Variants in MEP1A observed in about 807,000 individuals in gnomAD.
MEP1A encodes meprin A subunit alpha, also known as N-benzoyl-L-tyrosyl-P-amino-benzoic acid hydrolase subunit alpha.
Under a neutral mutation model 84.5 loss-of-function variants are expected in MEP1A, and 68 were observed. The observed-to-expected ratio is 0.80, with a 90% CI of 0.66 to 0.98. The LOEUF is 0.98. MEP1A is among the 50% of genes least tolerant of loss of function. MEP1A has a pLI of 0.00. For missense variants in MEP1A, 887 were observed against 919.9 expected (o/e 0.96, Z 0.46); for synonymous variants, 337 against 336.8 (o/e 1.00, Z -0.01).
chr6:46,810,438 A>G (rs1048277674), intron 6 of MEP1A, among the ~76,000 whole-genome samples: 15 of 152,012 alleles, frequency 9.9e-5, no homozygotes, highest in Non-Finnish European at 1.8e-4. Context: ...TCTGCTGATT[A>G]TTTCTTTTGC....
chr6:46,833,156 A>G lies in MEP1A; in HGVS notation c.1227A>G (p.Lys409=). ...QKFRYLFQGT[K]GDPQNSTGGI... is the part of the protein sequence containing the mutation. ...TTCGCTACCTTTTCCAGGGCACAAA[A>G]GGCGACCCTCAGAACTCAACTGGGG... Residue 409 remains lysine, a synonymous_variant, in exon 11 of 14, where the codon AAA becomes AAG. Transcript: ENST00000230588. 1 of 1,588,440 alleles carries G rather than the reference A, an allele frequency of 6.3e-7. No individual in the cohort carries two copies. The highest frequency in any genetic ancestry group is 8.5e-7 in the Non-Finnish European group (1 of 1,170,694).
intron 9 of MEP1A, among the ~76,000 whole-genome samples, chr6:46,827,021 A>G (rs1374432976): frequency 6.6e-6 from 1 of 152,226 alleles, no homozygotes; most frequent in Non-Finnish European, 1.5e-5. Context: ...TTTTCAGGCT[A>G]AGTATTTTAA....
chr6:46,807,512 T>TA (rs1231699927), intron 5 of MEP1A, among the ~76,000 whole-genome samples: 1 of 49,526 alleles, frequency 2.0e-5, no homozygotes, highest in African/African-American at 7.3e-5. Context: ...CCATCTGAAA[T>TA]AAAGAAAGAA....
Position 46,825,261 on chromosome 6 carries a change from C to A in MEP1A, c.557-11C>A. 6.3e-7 allele frequency: 1 copy of A among 1,580,546 alleles called. No individual in the cohort carries two copies. Among genetic ancestry groups the A allele is most frequent in the Non-Finnish European group, 8.7e-7 (1 of 1,153,096 alleles). Reference sequence around the variant, plus strand: ...TGACTGAGAAGGACCTGTGGATTCTCTCCCTAACAGGTTACCAGCACAACT... The same window carrying A: ...TGACTGAGAAGGACCTGTGGATTCTATCCCTAACAGGTTACCAGCACAACT... On this transcript the variant is annotated splice_polypyrimidine_tract_variant and intron_variant, in intron 7 of 13. Coordinates refer to ENST00000230588, the MANE Select transcript of MEP1A (RefSeq NM_005588.3).
At chr6:46,802,103 T>A (rs538916428) in intron 5 of MEP1A, among the ~76,000 whole-genome samples, 2 of 152,110 alleles carry the variant, frequency 1.3e-5, no homozygotes, top group South Asian at 4.1e-4. Flanking sequence ...TATTTTACAA[T>A]CAATTTCTCT....
chr6:46,814,338 G>C (rs1767581555), intron 6 of MEP1A, among the ~76,000 whole-genome samples: 1 of 152,014 alleles, frequency 6.6e-6, no homozygotes, highest in African/African-American at 2.4e-5. Flanking sequence ...CGATTCTATT[G>C]CTGAGACTTT....
intron 3 of MEP1A, among the ~76,000 whole-genome samples, chr6:46,794,006 G>T (rs1766994651): frequency 6.6e-6 from 1 of 152,112 alleles, no homozygotes; most frequent in African/African-American, 2.4e-5. Flanking sequence ...GAAAAGGAAA[G>T]CAAATAGATA....
intron 5 of MEP1A, among the ~76,000 whole-genome samples, chr6:46,805,447 A>G (rs957678974): frequency 2.6e-5 from 4 of 152,084 alleles, no homozygotes; most frequent in Middle Eastern, 3.4e-3. Context: ...TCATTTGTAT[A>G]TCTTCCCTTA....
intron 9 of MEP1A, among the ~76,000 whole-genome samples, chr6:46,827,297 A>G (rs1767970239): frequency 6.6e-6 from 1 of 152,252 alleles, no homozygotes; most frequent in Non-Finnish European, 1.5e-5. Flanking sequence ...CAAGATATTG[A>G]TGTCTACTTC....
Position 46,801,892 on chromosome 6 carries a change from G to A in MEP1A, c.262+2711G>A, listed in dbSNP as rs143820238. On this transcript the variant is annotated intron_variant, in intron 5 of 13. Coordinates refer to ENST00000230588, the MANE Select transcript of MEP1A (RefSeq NM_005588.3). ...ATTAAGTACTCTTCGCAAGAGTCTC[G>A]TTTGCCAAGTTTGCCAAGACTCCTC... Among the ~76,000 whole-genome samples, 497 of 151,942 alleles carry A rather than the reference G, an allele frequency of 3.3e-3. 3 individuals are homozygous for A. The highest frequency in any genetic ancestry group is 0.011 in the African/African-American group (467 of 41,484).
At position 46,833,311 on chromosome 6, in the gene MEP1A, A is replaced by G. The variant is rs1167221533; in HGVS notation, c.1382A>G (p.Asn461Ser). 6.2e-7 allele frequency: 1 copy of G among 1,614,140 alleles called. No homozygotes were observed. Among genetic ancestry groups the G allele is most frequent in the Non-Finnish European group, 8.5e-7 (1 of 1,179,986 alleles). Reference protein sequence around the residue: ...GDKLQSPRFYNSEGYGFGVTL... With the variant: ...GDKLQSPRFYSSEGYGFGVTL... Reference sequence around the variant, plus strand: ...AAGCTTCAGAGCCCTCGATTCTACAATTCGGAGGGATATGGTTTTGGGGTA... The same window carrying G: ...AAGCTTCAGAGCCCTCGATTCTACAGTTCGGAGGGATATGGTTTTGGGGTA... Residue 461 changes from asparagine (N) to serine (S), a missense_variant, in exon 11 of 14, where the codon AAT becomes AGT. Transcript: ENST00000230588.
intron 3 of MEP1A, among the ~76,000 whole-genome samples, chr6:46,794,316 G>A (rs534818864): frequency 6.6e-6 from 1 of 152,326 alleles, no homozygotes; most frequent in South Asian, 2.1e-4. Context: ...AGTGTCTTAG[G>A]TCAGGATTTG....
At chr6:46,807,565 A>AAAGGAAGGAAGG (rs1221947370) in intron 5 of MEP1A, among the ~76,000 whole-genome samples, 11 of 71,836 alleles carry the variant, frequency 1.5e-4, no homozygotes, top group Non-Finnish European at 2.3e-4. Flanking sequence ...AGAAAGAAAG[A>AAAGGAAGGAAGG]AAGGAAGGAA....
chr6:46,845,612 G>T, the MEP1A span, among the ~76,000 whole-genome samples: 4 of 152,330 alleles, frequency 2.6e-5, no homozygotes, highest in African/African-American at 9.6e-5. Context: ...ATTTGGAGAA[G>T]AAAAGGGTTG....
intron 7 of MEP1A, 40 bp downstream of exon 7, chr6:46,819,744 C>T: frequency 6.3e-7 from 1 of 1,595,406 alleles, no homozygotes; most frequent in East Asian, 2.2e-5. Flanking sequence ...TTATCACTGG[C>T]TGAGACCAAT....
intron 5 of MEP1A, among the ~76,000 whole-genome samples, chr6:46,799,465 A>G (rs935937811): frequency 2.6e-5 from 4 of 152,256 alleles, no homozygotes; most frequent in African/African-American, 9.6e-5. Flanking sequence ...AATGAAATAT[A>G]ATTTGCATCA....
At chr6:46,818,122 T>A (rs1382427391) in intron 6 of MEP1A, among the ~76,000 whole-genome samples, 2 of 152,214 alleles carry the variant, frequency 1.3e-5, no homozygotes, top group Non-Finnish European at 2.9e-5. Context: ...GATTTGGTAA[T>A]AAAATGCCAC....
chr6:46,798,649 G>A lies in MEP1A; in HGVS notation c.186+3G>A, dbSNP rs200304145. The A allele has an allele frequency of 4.3e-5, 70 of 1,613,548 alleles. No homozygotes were observed. The African/African-American group carries it at 8.9e-4, about 21-fold the overall frequency. On this transcript the variant is annotated splice_donor_region_variant and intron_variant, in intron 4 of 13. Coordinates refer to ENST00000230588, the MANE Select transcript of MEP1A (RefSeq NM_005588.3). ...TTCAAGGGGACATCCTCTTGCAGGTGAGTACCTGTCAATGATGCAATAAGT... is the reference window on the plus strand; with the variant it reads ...TTCAAGGGGACATCCTCTTGCAGGTAAGTACCTGTCAATGATGCAATAAGT...
At chr6:46,831,110 C>G (rs1402096708) in intron 10 of MEP1A, among the ~76,000 whole-genome samples, 1 of 152,110 alleles carries the variant, frequency 6.6e-6, no homozygotes, top group Admixed American at 6.5e-5. Flanking sequence ...TCCCTGGGAA[C>G]ACTGTATGAA....
Sources: allele counts gnomAD v4.1 joint callset (sites outside exome capture counted in the v4.1 genomes callset), GRCh38; gene constraint gnomAD v4.1.1; transcripts MANE v1.5; gene names NCBI Gene and HGNC (gene_info 2026-07-23, HGNC 2026-07-21).